The following SCFD2 variants were observed in gnomAD, a reference collection of about 807,000 sequenced individuals.
SCFD2 encodes sec1 family domain-containing protein 2.
A neutral mutation model predicts 58.9 loss-of-function variants in SCFD2; 54 were observed. The ratio of observed to expected loss-of-function variants is 0.92; its 90% CI spans 0.74 to 1.15. The LOEUF is 1.15. Ranked by LOEUF, SCFD2 falls within the 50% of genes most tolerant of loss-of-function variation. The pLI, the probability that SCFD2 is intolerant of heterozygous loss-of-function variation, is 0.00. For synonymous variants in SCFD2, 321 were observed against 335.9 expected (o/e 0.96, Z 0.49); for missense variants, 805 against 836.6 (o/e 0.96, Z 0.47).
intron 3 of SCFD2, among the ~76,000 whole-genome samples, chr4:53,278,688 T>C (rs927373730): frequency 3.3e-5 from 5 of 152,272 alleles, no homozygotes; most frequent in Middle Eastern, 3.4e-3. Flanking sequence ...AACACCACAC[T>C]ACCTTGTGTT....
intron 3 of SCFD2, among the ~76,000 whole-genome samples, chr4:53,294,726 C>A (rs1410703983): frequency 6.6e-6 from 1 of 152,156 alleles, no homozygotes; most frequent in African/African-American, 2.4e-5. Flanking sequence ...TGCCTATGTC[C>A]TGAATGGTAT....
intron 4 of SCFD2, among the ~76,000 whole-genome samples, chr4:53,238,466 C>G (rs1729759866): frequency 6.6e-6 from 1 of 151,268 alleles, no homozygotes; most frequent in South Asian, 2.1e-4. Flanking sequence ...CCCCCCACCT[C>G]CCTCCCGGAT....
intron 4 of SCFD2, among the ~76,000 whole-genome samples, chr4:53,215,934 T>C (rs1224064792): frequency 6.6e-6 from 1 of 152,240 alleles, no homozygotes; most frequent in African/African-American, 2.4e-5. Context: ...TCTGTTTATA[T>C]GCTGGATTAC....
chr4:53,071,237 C>G (rs1047050595), intron 5 of SCFD2, among the ~76,000 whole-genome samples: 2 of 152,054 alleles, frequency 1.3e-5, no homozygotes, highest in Non-Finnish European at 1.5e-5. Context: ...AATTATCGTA[C>G]GCATCCTGGA....
chr4:53,084,526 C>T (rs964000138), intron 5 of SCFD2, among the ~76,000 whole-genome samples: 27 of 152,136 alleles, frequency 1.8e-4, no homozygotes, highest in East Asian at 3.9e-4. Context: ...CCTCAGCTTA[C>T]GAAGATAACA....
chr4:53,194,588 T>C (rs139266120), intron 4 of SCFD2, among the ~76,000 whole-genome samples: 2 of 152,332 alleles, frequency 1.3e-5, no homozygotes, highest in South Asian at 2.1e-4. Flanking sequence ...TTCAATTTAT[T>C]GTTGAAACTA....
At chr4:53,280,897 A>AT (rs146904900) in intron 3 of SCFD2, among the ~76,000 whole-genome samples, 2,560 of 152,242 alleles carry the variant, frequency 0.017, 77 homozygotes, top group African/African-American at 0.058. Context: ...TTCTTTTGAG[A>AT]TTTTTTCCCC....
chr4:52,918,707 C>G (rs903319247), intron 6 of SCFD2, among the ~76,000 whole-genome samples: 1 of 151,980 alleles, frequency 6.6e-6, no homozygotes, highest in African/African-American at 2.4e-5. Flanking sequence ...TCTATTTTTA[C>G]AAAAATAGAA....
At chr4:53,202,239 C>T (rs983184038) in intron 4 of SCFD2, among the ~76,000 whole-genome samples, 2 of 152,200 alleles carry the variant, frequency 1.3e-5, no homozygotes, top group Non-Finnish European at 2.9e-5. Context: ...CAGCTCTCTA[C>T]ATATGGCCAG....
At chr4:53,096,806 T>C (rs1202883682) in intron 5 of SCFD2, among the ~76,000 whole-genome samples, 1 of 152,334 alleles carries the variant, frequency 6.6e-6, no homozygotes, top group South Asian at 2.1e-4. Context: ...ATGTCCTGAA[T>C]GGTACTGCCT....
At chr4:53,059,801 T>A (rs185561190) in intron 5 of SCFD2, among the ~76,000 whole-genome samples, 64 of 152,274 alleles carry the variant, frequency 4.2e-4, no homozygotes, top group African/African-American at 1.5e-3. Context: ...TATATTTTTG[T>A]TAAAAGCATT....
intron 4 of SCFD2, among the ~76,000 whole-genome samples, chr4:53,195,161 C>A (rs754592901): frequency 1.3e-5 from 2 of 152,074 alleles, no homozygotes; most frequent in Non-Finnish European, 2.9e-5. Flanking sequence ...TGTATCCCAG[C>A]TTCGTCAATT....
chr4:52,980,823 C>T (rs1244949809), intron 5 of SCFD2, among the ~76,000 whole-genome samples: 3 of 152,116 alleles, frequency 2.0e-5, no homozygotes, highest in Admixed American at 6.5e-5. Flanking sequence ...AAGCACACAG[C>T]GCCTTCTTCT....
At chr4:53,336,441 A>G (rs1733685434) in intron 2 of SCFD2, among the ~76,000 whole-genome samples, 1 of 152,160 alleles carries the variant, frequency 6.6e-6, no homozygotes. Context: ...TGCTAGCTCT[A>G]TCACCTTCAA....
chr4:53,296,956 G>A (rs372849976), intron 3 of SCFD2, among the ~76,000 whole-genome samples: 2 of 152,176 alleles, frequency 1.3e-5, no homozygotes, highest in African/African-American at 4.8e-5. Context: ...TCTTGAGTGA[G>A]TTTCTTAATC....
At chr4:53,226,421 G>A (rs1729218352) in intron 4 of SCFD2, among the ~76,000 whole-genome samples, 1 of 151,970 alleles carries the variant, frequency 6.6e-6, no homozygotes, top group Non-Finnish European at 1.5e-5. Context: ...ATATAATATT[G>A]ATAAGTATTA....
At chr4:53,175,315 G>A (rs1273968852) in intron 4 of SCFD2, among the ~76,000 whole-genome samples, 1 of 152,088 alleles carries the variant, frequency 6.6e-6, no homozygotes, top group Non-Finnish European at 1.5e-5. Flanking sequence ...CTAGGAAATT[G>A]GATGTTCAAA....
At chr4:52,926,405 C>T (rs532786530) in intron 5 of SCFD2, among the ~76,000 whole-genome samples, 16 of 152,080 alleles carry the variant, frequency 1.1e-4, no homozygotes, top group Non-Finnish European at 1.8e-4. Context: ...CACACACGCA[C>T]GCGTGCGCAC....
chr4:53,153,030 T>C (rs967220759), intron 4 of SCFD2, among the ~76,000 whole-genome samples: 1 of 152,182 alleles, frequency 6.6e-6, no homozygotes, highest in Non-Finnish European at 1.5e-5. Context: ...GTTGCTGTCA[T>C]GGGTCAGAGG....
Sources: allele counts gnomAD v4.1 joint callset (sites outside exome capture counted in the v4.1 genomes callset), GRCh38; gene constraint gnomAD v4.1.1; transcripts MANE v1.5; gene names NCBI Gene and HGNC (gene_info 2026-07-23, HGNC 2026-07-21).